Variants in PLXNA2 observed in about 807,000 individuals in gnomAD.
PLXNA2 encodes plexin A2.
In PLXNA2, 91 loss-of-function variants were observed where a neutral mutation model predicts 193.5. The observed-to-expected ratio is 0.47, with a 90% confidence interval of 0.40 to 0.56. The LOEUF is 0.56. PLXNA2 is among the 20% of genes least tolerant of loss of function. PLXNA2 has a pLI of 0.00. For synonymous variants in PLXNA2, 997 were observed against 1,027.3 expected, an observed-to-expected ratio of 0.97 and a Z score of 0.56; for missense variants, 1,995 against 2,503.2, an observed-to-expected ratio of 0.80 and a Z score of 4.33.
rs1668720360 is a variant in PLXNA2 at position 208,150,348 on chromosome 1, A to AG, written c.1372-7886dup. Among the ~76,000 whole-genome samples, 4 of 152,204 alleles carry AG rather than the reference A, an allele frequency of 2.6e-5. No individual in the cohort carries two copies. The South Asian group carries it at 8.3e-4, about 32-fold the overall frequency. Reference sequence around the variant, plus strand: ...AAGAGTCTGCCCTAGATATTCAACTAGGGGTGGGTGGAGCTAACAGCGGGG... The same window carrying AG: ...AAGAGTCTGCCCTAGATATTCAACTAGGGGGTGGGTGGAGCTAACAGCGGGG... On this transcript the variant is annotated intron_variant, in intron 3 of 31. Coordinates refer to ENST00000367033, the MANE Select transcript of PLXNA2 (RefSeq NM_025179.4).
chr1:208,093,896 C>T (rs1022577855), intron 8 of PLXNA2, among the ~76,000 whole-genome samples: 2 of 152,274 alleles, frequency 1.3e-5, no homozygotes, highest in African/African-American at 4.8e-5. Context: ...TCTAGTCTTT[C>T]ACAACTAGGC....
At chr1:208,237,780 T>C (rs1671914713) in intron 1 of PLXNA2, among the ~76,000 whole-genome samples, 1 of 152,196 alleles carries the variant, frequency 6.6e-6, no homozygotes, top group African/African-American at 2.4e-5. Context: ...TTAATGCCAT[T>C]CTGCCTTTTA....
Position 208,098,452 on chromosome 1 carries a change from T to TCACACACA in PLXNA2, c.1731+393_1731+394insTGTGTGTG, listed in dbSNP as rs1466419984. Among the ~76,000 whole-genome samples the TCACACACA allele has an allele frequency of 2.9e-4, 35 of 120,830 alleles. No individual in the cohort carries two copies. In the East Asian group the frequency reaches 4.4e-3, roughly 15 times the overall value. The allele number at this position is 120,830 out of a possible 152,430, so 79.3% of individuals were successfully genotyped here. A position where few individuals can be genotyped will look rare whatever the true frequency, so the allele number is the denominator to read the frequency against. ...TCTTTCCTCTCTCTCTCTCTCTCTC[T>TCACACACA]CTCTCTCACACACACACACACACAC... On this transcript the variant is annotated intron_variant, in intron 6 of 31. Transcript: ENST00000367033.
At position 208,028,786 on chromosome 1, in the gene PLXNA2, G is replaced by A. The variant is rs903383361; in HGVS notation, c.5438+44C>T. The A allele has an allele frequency of 7.1e-6, 11 of 1,554,786 alleles. No homozygotes were observed. The highest frequency in any genetic ancestry group is 8.8e-6 in the Non-Finnish European group (10 of 1,132,962). On this transcript the variant is annotated intron_variant, in intron 30 of 31. Transcript: ENST00000367033. The surrounding 1 kb of genome is among the most constrained non-coding windows in gnomAD (Gnocchi z 4.2). ...GTGATGACTATAGAGCGGGGAATGG[G>A]CAGGGAGACAAGGGCATGGGCCTGT...
intron 12 of PLXNA2, among the ~76,000 whole-genome samples, chr1:208,075,574 G>T (rs895572760): frequency 2.6e-5 from 4 of 152,100 alleles, no homozygotes; most frequent in Admixed American, 2.6e-4. Flanking sequence ...GTAGCTTAAG[G>T]TTATGTAAAT....
At chr1:208,202,825 G>T (rs551681245) in intron 3 of PLXNA2, among the ~76,000 whole-genome samples, 1 of 152,198 alleles carries the variant, frequency 6.6e-6, no homozygotes, top group African/African-American at 2.4e-5. Context: ...GCCCCGAGCT[G>T]CAGGAGCTCA....
intron 3 of PLXNA2, among the ~76,000 whole-genome samples, chr1:208,153,289 G>C (rs572277383): frequency 3.7e-4 from 56 of 152,240 alleles, no homozygotes; most frequent in African/African-American, 1.3e-3. Context: ...TTATCCCTAA[G>C]GCTGAGATGA....
At chr1:208,090,655 G>A (rs957569763) in intron 9 of PLXNA2, among the ~76,000 whole-genome samples, 2 of 152,186 alleles carry the variant, frequency 1.3e-5, no homozygotes, top group African/African-American at 2.4e-5. Flanking sequence ...TTGGCTTTGG[G>A]TTTCTCTTGG....
At chr1:208,145,330 C>T (rs898320855) in intron 3 of PLXNA2, among the ~76,000 whole-genome samples, 6 of 152,206 alleles carry the variant, frequency 3.9e-5, no homozygotes, top group Non-Finnish European at 8.8e-5. Flanking sequence ...GTGCTGGCTG[C>T]GTCCCAGCAG....
chr1:208,126,728 C>T (rs1238355832), intron 4 of PLXNA2, among the ~76,000 whole-genome samples: 1 of 152,122 alleles, frequency 6.6e-6, no homozygotes, highest in East Asian at 1.9e-4. Context: ...ATCCTGCCTC[C>T]CAACAGTAAG....
At chr1:208,146,637 G>A (rs549997477) in intron 3 of PLXNA2, among the ~76,000 whole-genome samples, 1 of 152,314 alleles carries the variant, frequency 6.6e-6, no homozygotes, top group Non-Finnish European at 1.5e-5. Flanking sequence ...GGTGAGGGGA[G>A]TGTCAAGGAG....
At chr1:208,136,705 T>C (rs1203150223) in intron 4 of PLXNA2, among the ~76,000 whole-genome samples, 2 of 152,218 alleles carry the variant, frequency 1.3e-5, no homozygotes, top group Non-Finnish European at 2.9e-5. Context: ...GTGCTGTCAT[T>C]TGGCCAGGCC....
At chr1:208,156,241 G>C (rs1435187656) in intron 3 of PLXNA2, among the ~76,000 whole-genome samples, 1 of 152,164 alleles carries the variant, frequency 6.6e-6, no homozygotes, top group African/African-American at 2.4e-5. Context: ...ATTAGGAAGC[G>C]AACGGCTTTG....
At chr1:208,138,882 C>T (rs1308333771) in intron 4 of PLXNA2, among the ~76,000 whole-genome samples, 2 of 152,104 alleles carry the variant, frequency 1.3e-5, no homozygotes, top group Admixed American at 1.3e-4. Flanking sequence ...CAAAAATTAG[C>T]TGTGTGTGGT....
intron 3 of PLXNA2, among the ~76,000 whole-genome samples, chr1:208,181,749 G>T (rs1669849338): frequency 6.6e-6 from 1 of 152,232 alleles, no homozygotes; most frequent in Admixed American, 6.5e-5. Flanking sequence ...AGTTCACTGT[G>T]AAGGTAGGGA....
At chr1:208,116,416 C>T (rs1238970868) in intron 4 of PLXNA2, among the ~76,000 whole-genome samples, 1 of 152,210 alleles carries the variant, frequency 6.6e-6, no homozygotes, top group East Asian at 1.9e-4. Context: ...GCTAATTATA[C>T]TTGCCCAATG....
At chr1:208,045,398 G>A (rs747340139) in intron 18 of PLXNA2, among the ~76,000 whole-genome samples, 188 bp from the exon 19 acceptor site, 5 of 152,150 alleles carry the variant, frequency 3.3e-5, no homozygotes, top group Admixed American at 6.5e-5. Context: ...GAAAACAGAC[G>A]CAGGAGAGAA....
In PLXNA2 at chr1:208,152,953, AT is replaced by A. The variant is rs1275765470; in HGVS notation, c.1372-10491del. Among the ~76,000 whole-genome samples, 182 of 152,280 alleles carry A rather than the reference AT, an allele frequency of 1.2e-3. 1 individual carries two copies. Among genetic ancestry groups the A allele is most frequent in the African/African-American group, 4.2e-3 (176 of 41,550 alleles). On this transcript the variant is annotated intron_variant, in intron 3 of 31. Coordinates refer to ENST00000367033, the MANE Select transcript of PLXNA2 (RefSeq NM_025179.4). ...GCACCAATCTTTCCTTGGAACTCCC[AT>A]AGCACCTAGAATGTCTCTTGGCACA...
intron 17 of PLXNA2, among the ~76,000 whole-genome samples, chr1:208,047,290 T>C (rs575417961): frequency 1.1e-5 from 1 of 91,178 alleles, no homozygotes; most frequent in African/African-American, 3.6e-5. Context: ...AGGACCTCTC[T>C]CTCTTCTCTA....
Sources: allele counts gnomAD v4.1 joint callset (sites outside exome capture counted in the v4.1 genomes callset), GRCh38; gene constraint gnomAD v4.1.1; non-coding constraint Gnocchi (gnomAD v3.1); transcripts MANE v1.5; gene names NCBI Gene and HGNC (gene_info 2026-07-23, HGNC 2026-07-21).